KATNIP: variants seen among roughly 807,000 people sequenced by gnomAD.
KATNIP encodes the protein katanin interacting protein.
A neutral mutation model predicts 174.0 loss-of-function variants in KATNIP; 126 were observed. That is an observed-to-expected ratio of 0.72 (90% CI 0.63 to 0.84). KATNIP has a LOEUF of 0.84. Among genes scored for constraint, KATNIP ranks in the 40% least tolerant of loss-of-function variants. The pLI, the probability that KATNIP is intolerant of heterozygous loss-of-function variation, is 0.00. For missense variants in KATNIP, 1,958 were observed against 2,109.7 expected, an observed-to-expected ratio of 0.93 and a Z score of 1.41; for synonymous variants, 810 against 835.7, an observed-to-expected ratio of 0.97 and a Z score of 0.53.
At chr16:27,665,075 T>A (rs1189076103) in intron 6 of KATNIP, among the ~76,000 whole-genome samples, 1 of 152,050 alleles carries the variant, frequency 6.6e-6, no homozygotes, top group African/African-American at 2.4e-5. Flanking sequence ...TTATTATTAC[T>A]ACTGTTATTA....
intron 8 of KATNIP, among the ~76,000 whole-genome samples, chr16:27,696,689 T>G (rs1454322811): frequency 1.3e-5 from 2 of 152,170 alleles, no homozygotes; most frequent in African/African-American, 4.8e-5. Context: ...TATGGCTGTA[T>G]AGTATTCCGT....
intron 23 of KATNIP, 150 bp from the exon 24 acceptor site, chr16:27,774,795 G>A: frequency 1.2e-6 from 1 of 848,080 alleles, no homozygotes; most frequent in Non-Finnish European, 1.8e-6. Flanking sequence ...GTTTCCCCAG[G>A]ACACGTCCAA....
chr16:27,742,032 CAAA>C (rs561087780), intron 15 of KATNIP, among the ~76,000 whole-genome samples: 7 of 113,524 alleles, frequency 6.2e-5, no homozygotes, highest in South Asian at 2.9e-4. Context: ...CTGTATATGT[CAAA>C]AAAAAAAAAA....
At chr16:27,647,802 G>A (rs958500506) in intron 5 of KATNIP, among the ~76,000 whole-genome samples, 16 of 152,022 alleles carry the variant, frequency 1.1e-4, no homozygotes, top group African/African-American at 3.6e-4. Context: ...ACCATGCCCC[G>A]CCACCTGGTT....
intron 6 of KATNIP, among the ~76,000 whole-genome samples, chr16:27,675,349 A>G (rs924605580): frequency 3.9e-4 from 59 of 152,284 alleles, no homozygotes; most frequent in African/African-American, 1.3e-3. Flanking sequence ...AGTTATCTCC[A>G]CCTGGCCCTG....
At chr16:27,753,914 T>C (rs2081612524) in intron 17 of KATNIP, among the ~76,000 whole-genome samples, 1 of 152,072 alleles carries the variant, frequency 6.6e-6, no homozygotes, top group Non-Finnish European at 1.5e-5. Flanking sequence ...GGAGGAAATT[T>C]AAACACCTTA....
chr16:27,641,372 T>C (rs2076791511), intron 5 of KATNIP, among the ~76,000 whole-genome samples: 1 of 152,036 alleles, frequency 6.6e-6, no homozygotes, highest in Non-Finnish European at 1.5e-5. Context: ...AGCTGCCCAC[T>C]TAGGTTCCGC....
chr16:27,604,287 A>G (rs1222223506), intron 2 of KATNIP, among the ~76,000 whole-genome samples: 2 of 151,960 alleles, frequency 1.3e-5, no homozygotes, highest in South Asian at 2.1e-4. Context: ...TTTAGTAGAG[A>G]TAGAGTCTCA....
intron 6 of KATNIP, among the ~76,000 whole-genome samples, chr16:27,664,051 G>T (rs2077609195): frequency 6.6e-6 from 1 of 151,976 alleles, no homozygotes; most frequent in Admixed American, 6.6e-5. Context: ...GCCTTGAGCA[G>T]TCCTCCCACC....
At position 27,773,148 on chromosome 16, in the gene KATNIP, C is replaced by T. The variant is rs756116174; in HGVS notation, c.4248C>T (p.Ile1416=). ...CCAGCTGGGGCGACCCCTACTACAT[C>T]GGCCTCACCGGCCTGGAGCTGTATG... is the stretch of plus-strand genomic sequence containing the variant. ...LLTSWGDPYY[I]GLTGLELYDE... is the part of the protein sequence containing the mutation. The change falls in exon 23 of 28, where the codon ATC becomes ATT. Residue 1416 remains isoleucine, a synonymous_variant. Coordinates refer to ENST00000261588, the MANE Select transcript of KATNIP (RefSeq NM_015202.5). 1.7e-5 allele frequency: 27 copies of T among 1,612,500 alleles called. No individual in the cohort carries two copies. The highest frequency in any genetic ancestry group is 1.3e-4 in the African/African-American group (10 of 74,876).
At chr16:27,660,939 T>TAG (rs746383330) in intron 6 of KATNIP, among the ~76,000 whole-genome samples, 30 of 152,178 alleles carry the variant, frequency 2.0e-4, no homozygotes, top group Admixed American at 1.3e-4. Context: ...GTGCCTGGCA[T>TAG]AGAGTTGGTC....
intron 2 of KATNIP, among the ~76,000 whole-genome samples, chr16:27,601,483 C>T (rs1011684167): frequency 5.9e-5 from 9 of 151,848 alleles, no homozygotes; most frequent in South Asian, 2.1e-4. Context: ...ATTATAGAGA[C>T]GGGGCAGGGG....
At chr16:27,593,357 G>C (rs187276656) in intron 2 of KATNIP, among the ~76,000 whole-genome samples, 16 of 151,434 alleles carry the variant, frequency 1.1e-4, no homozygotes, top group African/African-American at 3.6e-4. Context: ...TTCTGCTTCA[G>C]CCTCCCAAGT....
At chr16:27,556,172 T>C (rs1017228559) in intron 1 of KATNIP, among the ~76,000 whole-genome samples, 1 of 152,182 alleles carries the variant, frequency 6.6e-6, no homozygotes, top group South Asian at 2.1e-4. Flanking sequence ...GTTATCATTA[T>C]CTGCAAATAG....
chr16:27,633,061 G>T (rs1191034760), intron 5 of KATNIP, among the ~76,000 whole-genome samples: 3 of 151,994 alleles, frequency 2.0e-5, no homozygotes, highest in African/African-American at 7.3e-5. Context: ...AAAAGGGCTG[G>T]TTTCTTTTTA....
At chr16:27,553,778 C>G (rs1200919117) in intron 1 of KATNIP, among the ~76,000 whole-genome samples, 1 of 152,086 alleles carries the variant, frequency 6.6e-6, no homozygotes, top group Non-Finnish European at 1.5e-5. Context: ...CAAGACCAGC[C>G]TGGGCAACTT....
intron 6 of KATNIP, among the ~76,000 whole-genome samples, chr16:27,657,705 T>G (rs407400): frequency 1.3e-5 from 2 of 150,154 alleles, no homozygotes; most frequent in African/African-American, 4.9e-5. Context: ...AGGTCAAGAG[T>G]TCAAGACCAG....
chr16:27,600,225 C>T (rs1028832575), intron 2 of KATNIP, among the ~76,000 whole-genome samples: 16 of 152,250 alleles, frequency 1.1e-4, no homozygotes, highest in Middle Eastern at 3.4e-3. Flanking sequence ...GGGAAAGGAA[C>T]GCAGTCCCAC....
In KATNIP at chr16:27,740,814, C is replaced by A; in HGVS notation, c.2517C>A (p.Asp839Glu). 1 of 1,613,704 alleles carries A rather than the reference C, an allele frequency of 6.2e-7. No individual in the cohort carries two copies. The highest frequency in any genetic ancestry group is 8.5e-7 in the Non-Finnish European group (1 of 1,179,766). Reference sequence around the variant, plus strand: ...CCAAAGTCCACAGTGATGACTCAGACATCTTTAACCAGCCCCCCAACAGAG... The same window carrying A: ...CCAAAGTCCACAGTGATGACTCAGAAATCTTTAACCAGCCCCCCAACAGAG... ...ATTKVHSDDS[D>E]IFNQPPNRER... The change falls in exon 15 of 28, where the codon GAC becomes GAA. Residue 839 changes from aspartate (D) to glutamate (E), a missense_variant. Asp to Glu is a conservative substitution (Grantham distance 45). Coordinates refer to ENST00000261588, the MANE Select transcript of KATNIP (RefSeq NM_015202.5).
Sources: allele counts gnomAD v4.1 joint callset (sites outside exome capture counted in the v4.1 genomes callset), GRCh38; gene constraint gnomAD v4.1.1; transcripts MANE v1.5; gene names NCBI Gene and HGNC (gene_info 2026-07-23, HGNC 2026-07-21).